OR8B8: variants seen among roughly 807,000 people sequenced by gnomAD.
The protein encoded by OR8B8 is olfactory receptor 8B8.
A neutral mutation model predicts 10.5 loss-of-function variants in OR8B8; 8 were observed. The ratio of observed to expected loss-of-function variants is 0.76; its 90% CI spans 0.45 to 1.38. The LOEUF (loss-of-function observed/expected upper bound fraction) is 1.38, where lower values mean the gene tolerates loss of function less well. Ranked by LOEUF, OR8B8 falls within the 40% of genes most tolerant of loss-of-function variation. The pLI is 0.00. For missense variants in OR8B8, 390 were observed against 380.5 expected (o/e 1.03, Z -0.21); for synonymous variants, 150 against 145.2 (o/e 1.03, Z -0.24).
rs1433390061 is a variant in OR8B8, at chr11:124,440,619, G to C, written c.467C>G (p.Ala156Gly). ...LGVYGMGFAG[A>G]MAHTACMMGV... ...CATCATGCACGCTGTGTGGGCCATG[G>C]CCCCAGCAAACCCCATCCCATAGAC... The change falls in exon 3 of 3, where the codon GCC becomes GGC. Residue 156 changes from alanine to glycine, a missense_variant. Transcript: ENST00000642064. 1 of 1,614,022 alleles carries C rather than the reference G, an allele frequency of 6.2e-7. No homozygotes were observed. Among genetic ancestry groups the C allele is most frequent in the African/African-American group, 1.3e-5 (1 of 74,914 alleles).
At chr11:124,444,043 T>A (rs1261081305) in intron 1 of OR8B8, among the ~76,000 whole-genome samples, 1 of 152,132 alleles carries the variant, frequency 6.6e-6, no homozygotes, top group Non-Finnish European at 1.5e-5. Flanking sequence ...AAATTCCCCA[T>A]TAAGGTAACA....
intron 1 of OR8B8, among the ~76,000 whole-genome samples, chr11:124,442,827 T>C (rs2134239568): frequency 6.6e-6 from 1 of 152,328 alleles, no homozygotes; most frequent in East Asian, 1.9e-4. Context: ...TGACAGCTAG[T>C]TATCATTCTT....
At chr11:124,445,164 A>G (rs1205657427) in intron 1 of OR8B8, among the ~76,000 whole-genome samples, 1 of 152,172 alleles carries the variant, frequency 6.6e-6, no homozygotes, top group Non-Finnish European at 1.5e-5. Flanking sequence ...CCTCTTCCCC[A>G]ACATTCACAA....
In OR8B8 at chr11:124,439,247, T is replaced by G. The variant is rs1344341896; in HGVS notation, c.*903A>C. 6.6e-6 allele frequency: 1 copy of G among 152,486 alleles called. No individual in the cohort carries two copies. The highest frequency in any genetic ancestry group is 1.5e-5 in the Non-Finnish European group (1 of 68,182). The allele number at this position is 152,486 out of a possible 1,614,324, so 9.4% of individuals were successfully genotyped here. A position where few individuals can be genotyped will look rare whatever the true frequency, so the allele number is the denominator to read the frequency against. On this transcript the variant is annotated 3_prime_UTR_variant, in exon 3 of 3. Coordinates refer to ENST00000642064, the MANE Select transcript of OR8B8 (RefSeq NM_012378.2). Reference sequence around the variant, plus strand: ...CTTGAAGTTTTTTTGTTGTTGTTGTTGTTTAGATGGAGTCTTGCTCCATTG... The same window carrying G: ...CTTGAAGTTTTTTTGTTGTTGTTGTGGTTTAGATGGAGTCTTGCTCCATTG...
At chr11:124,442,511 T>C (rs7103619) in intron 1 of OR8B8, among the ~76,000 whole-genome samples, 78,826 of 152,062 alleles carry the variant, frequency 0.52, 21,435 homozygotes, top group African/African-American at 0.69. Flanking sequence ...GACAAACCAA[T>C]CTGTCTTTTC....
Position 124,440,111 on chromosome 11 carries a change from G to T in OR8B8, c.*39C>A. 6.6e-7 allele frequency: 1 copy of T among 1,510,060 alleles called. No homozygotes were observed. Among genetic ancestry groups the T allele is most frequent in the African/African-American group, 1.4e-5 (1 of 71,750 alleles). 93.5% of individuals were successfully genotyped at this position (1,510,060 alleles called of 1,614,324 possible). ...AACCAGTGGAGTCCAAATCACTTAT[G>T]GGAGAAACAGTGTTTCTTTCCTGAG... On this transcript the variant is annotated 3_prime_UTR_variant, in exon 3 of 3. Transcript: ENST00000642064.
chr11:124,439,154 G>A lies in OR8B8; in HGVS notation c.*996C>T, dbSNP rs1457430207. 1.3e-5 allele frequency: 2 copies of A among 152,232 alleles called. No individual in the cohort carries two copies. Among genetic ancestry groups the A allele is most frequent in the African/African-American group, 2.4e-5 (1 of 41,436 alleles). 9.4% of individuals were successfully genotyped at this position (152,232 alleles called of 1,614,324 possible). A position where few individuals can be genotyped will look rare whatever the true frequency, so the allele number is the denominator to read the frequency against. On this transcript the variant is annotated 3_prime_UTR_variant, in exon 3 of 3. Transcript: ENST00000642064. The stretch of plus-strand genomic sequence containing the variant: ...ACCTGACTACTGACTTGTAACACAA[G>A]GCTCTCTGTGGTTCTGAAATATTCT...
rs73025545 is a variant in OR8B8 at position 124,439,608 on chromosome 11, G to C, written c.*542C>G. ...CCCTGGGTCCTAACACACTTCCCCTGCACCTTCTTCAAAATGCTTCAAGAA... is the reference window on the plus strand; with the variant it reads ...CCCTGGGTCCTAACACACTTCCCCTCCACCTTCTTCAAAATGCTTCAAGAA... On this transcript the variant is annotated 3_prime_UTR_variant, in exon 3 of 3. Coordinates refer to ENST00000642064, the MANE Select transcript of OR8B8 (RefSeq NM_012378.2). The C allele has an allele frequency of 0.036, 5,573 of 156,850 alleles. 149 individuals are homozygous for C. The highest frequency in any genetic ancestry group is 0.057 in the Middle Eastern group (17 of 298). The allele number at this position is 156,850 out of a possible 1,614,324, so 9.7% of individuals were successfully genotyped here. A position where few individuals can be genotyped will look rare whatever the true frequency, so the allele number is the denominator to read the frequency against.
chr11:124,442,219 G>A (rs1301232200), intron 1 of OR8B8, among the ~76,000 whole-genome samples: 1 of 152,058 alleles, frequency 6.6e-6, no homozygotes, highest in East Asian at 1.9e-4. Context: ...AGTTACAAAG[G>A]CCATATTAAA....
rs1861430550 is a variant in OR8B8, at chr11:124,438,743, G to A, written c.*1407C>T. On this transcript the variant is annotated 3_prime_UTR_variant, in exon 3 of 3. Transcript: ENST00000642064. ...ACAAAGAGATGGTCAAGCTCTCTGG[G>A]TTAGCAACAGCAGGGAGACATTATC... 1 of 152,232 alleles carries A rather than the reference G, an allele frequency of 6.6e-6. No individual in the cohort carries two copies. Among genetic ancestry groups the A allele is most frequent in the African/African-American group, 2.4e-5 (1 of 41,452 alleles). 9.4% of individuals were successfully genotyped at this position (152,232 alleles called of 1,614,324 possible).
At chr11:124,442,697 C>T (rs1426127128) in intron 1 of OR8B8, among the ~76,000 whole-genome samples, 6 of 152,020 alleles carry the variant, frequency 3.9e-5, no homozygotes, top group Non-Finnish European at 8.8e-5. Context: ...GATTCTCCTT[C>T]TTCCCACGGG....
In OR8B8 at chr11:124,437,516, G is replaced by C. The variant is rs530485499; in HGVS notation, c.*2634C>G. On this transcript the variant is annotated 3_prime_UTR_variant, in exon 3 of 3. Coordinates refer to ENST00000642064, the MANE Select transcript of OR8B8 (RefSeq NM_012378.2). ...CAGAGGCTGAGAAGTCCAAGATTAA[G>C]GCAGCAGCAGATTCCGTGTCTGGTG... The C allele has an allele frequency of 6.6e-6, 1 of 152,326 alleles. No homozygotes were observed. The highest frequency in any genetic ancestry group is 2.1e-4 in the South Asian group (1 of 4,816). 9.4% of individuals were successfully genotyped at this position (152,326 alleles called of 1,614,324 possible). A position where few individuals can be genotyped will look rare whatever the true frequency, so the allele number is the denominator to read the frequency against.
Position 124,439,914 on chromosome 11 carries a change from G to T in OR8B8, c.*236C>A, listed in dbSNP as rs1401864807. 7 of 454,880 alleles carry T rather than the reference G, an allele frequency of 1.5e-5. No individual in the cohort carries two copies. Among genetic ancestry groups the T allele is most frequent in the Non-Finnish European group, 1.5e-5 (4 of 258,698 alleles). 28.2% of individuals were successfully genotyped at this position (454,880 alleles called of 1,614,324 possible). ...ACTGCTGAGCAGCTGAGCGACCTCGGGGAAGGTACATAAGCTTGAGTCTAT... is the reference window on the plus strand; with the variant it reads ...ACTGCTGAGCAGCTGAGCGACCTCGTGGAAGGTACATAAGCTTGAGTCTAT... On this transcript the variant is annotated 3_prime_UTR_variant, in exon 3 of 3. Transcript: ENST00000642064.
chr11:124,440,509 A>G lies in OR8B8; in HGVS notation c.577T>C (p.Tyr193His). Reference sequence around the variant, plus strand: ...ACAAACACTACAAGCTCATTCACATAGGTGCTGGTGCAAGCACACTCAAGA... The same window carrying G: ...ACAAACACTACAAGCTCATTCACATGGGTGCTGGTGCAAGCACACTCAAGA... ...PLLECACTST[Y>H]VNELVVFVVV... The change falls in exon 3 of 3, where the codon TAT (tyrosine) becomes CAT (histidine). Residue 193 changes from tyrosine (Y) to histidine (H), a missense_variant. Coordinates refer to ENST00000642064, the MANE Select transcript of OR8B8 (RefSeq NM_012378.2). The G allele has an allele frequency of 6.2e-7, 1 of 1,614,272 alleles. No homozygotes were observed. Among genetic ancestry groups the G allele is most frequent in the Non-Finnish European group, 8.5e-7 (1 of 1,180,040 alleles).
At chr11:124,443,665 C>T (rs1309879489) in intron 1 of OR8B8, among the ~76,000 whole-genome samples, 1 of 152,190 alleles carries the variant, frequency 6.6e-6, no homozygotes, top group East Asian at 1.9e-4. Flanking sequence ...TGAATATTTT[C>T]ACCAGGTCTG....
intron 1 of OR8B8, among the ~76,000 whole-genome samples, chr11:124,441,911 C>G (rs574964605): frequency 6.6e-6 from 1 of 152,188 alleles, no homozygotes; most frequent in Non-Finnish European, 1.5e-5. Context: ...CTGGATATAA[C>G]AAAGTTGTGC....
chr11:124,441,278 T>G (rs1267170954), intron 2 of OR8B8, 177 bp from the exon 3 acceptor site: 1 of 574,688 alleles, frequency 1.7e-6, no homozygotes. Flanking sequence ...CCAGGGCAGG[T>G]GCTGCTGGCA....
intron 1 of OR8B8, 98 bp downstream of exon 1, chr11:124,445,478 T>C (rs750559344): frequency 5.3e-5 from 8 of 152,188 alleles, no homozygotes; most frequent in Non-Finnish European, 8.8e-5. Flanking sequence ...AGCAAGCTAA[T>C]TACCACCCTT....
In OR8B8 at chr11:124,437,626, TTGTGTGTGTGTGTGTG is replaced by T. The variant is rs66912990; in HGVS notation, c.*2508_*2523del. 1,918 of 143,932 alleles carry T rather than the reference TTGTGTGTGTGTGTGTG, an allele frequency of 0.013. 22 individuals carry two copies. Among genetic ancestry groups the T allele is most frequent in the Middle Eastern group, 0.085 (24 of 282 alleles). The allele number at this position is 143,932 out of a possible 1,614,324, so 8.9% of individuals were successfully genotyped here. A position where few individuals can be genotyped will look rare whatever the true frequency, so the allele number is the denominator to read the frequency against. The stretch of plus-strand genomic sequence containing the variant: ...AGGTGGGGGAGGTCTCTCTCAGACT[TTGTGTGTGTGTGTGTG>T]TGTGTGTGTGTGTGTGTGTGTGTGT... On this transcript the variant is annotated 3_prime_UTR_variant, in exon 3 of 3. Transcript: ENST00000642064.
Sources: allele counts gnomAD v4.1 joint callset (sites outside exome capture counted in the v4.1 genomes callset), GRCh38; gene constraint gnomAD v4.1.1; transcripts MANE v1.5; gene names NCBI Gene and HGNC (gene_info 2026-07-23, HGNC 2026-07-21).